HPSE2: variants seen among roughly 807,000 people sequenced by gnomAD.
HPSE2 encodes heparanase 2 (inactive).
HPSE2 carries 38 observed loss-of-function variants against 60.5 expected under a neutral mutation model. The observed-to-expected ratio is 0.63, with a 90% CI of 0.48 to 0.82. The LOEUF (loss-of-function observed/expected upper bound fraction) is 0.82, where lower values mean the gene tolerates loss of function less well. HPSE2 is among the 40% of genes least tolerant of loss of function. The pLI is 0.00. For synonymous variants in HPSE2, 295 were observed against 293.2 expected (o/e 1.01, Z -0.06); for missense variants, 713 against 740.4 (o/e 0.96, Z 0.43).
the HPSE2 span, among the ~76,000 whole-genome samples, chr10:99,297,843 C>T: frequency 2.0e-5 from 3 of 152,088 alleles, no homozygotes; most frequent in Non-Finnish European, 2.9e-5. Flanking sequence ...TGACCACCCT[C>T]CAGATGCTTT....
chr10:99,174,560 T>C (rs1175054612), intron 2 of HPSE2, among the ~76,000 whole-genome samples: 1 of 152,168 alleles, frequency 6.6e-6, no homozygotes, highest in Non-Finnish European at 1.5e-5. Flanking sequence ...AAATCCTAGA[T>C]TGGTAACATG....
intron 3 of HPSE2, among the ~76,000 whole-genome samples, chr10:98,958,426 A>G (rs1014192635): frequency 2.0e-5 from 3 of 152,174 alleles, no homozygotes; most frequent in Non-Finnish European, 4.4e-5. Context: ...ATGCAACAGG[A>G]AAAGTTGAAC....
intron 9 of HPSE2, among the ~76,000 whole-genome samples, chr10:98,523,197 G>A (rs1203346078): frequency 2.0e-5 from 3 of 152,076 alleles, no homozygotes; most frequent in Non-Finnish European, 4.4e-5. Flanking sequence ...AACACTTTGG[G>A]GCTGGTACTT....
chr10:98,675,052 G>A (rs1013850458), intron 6 of HPSE2, among the ~76,000 whole-genome samples: 6 of 152,130 alleles, frequency 3.9e-5, no homozygotes, highest in Non-Finnish European at 7.4e-5. Context: ...TTAAACACTT[G>A]GGATTGCACA....
chr10:99,065,661 G>C (rs4144651), intron 3 of HPSE2, among the ~76,000 whole-genome samples: 102,476 of 152,046 alleles, frequency 0.67, 37,848 homozygotes, highest in Non-Finnish European at 0.81. Context: ...GAGGTCTAAT[G>C]AAGTACAAAC....
intron 3 of HPSE2, among the ~76,000 whole-genome samples, chr10:99,124,962 A>T (rs1845107731): frequency 6.6e-6 from 1 of 152,256 alleles, no homozygotes; most frequent in Non-Finnish European, 1.5e-5. Context: ...TGCCATCAAT[A>T]GCATAAGGGA....
chr10:98,858,007 T>C (rs1952359371), intron 3 of HPSE2, among the ~76,000 whole-genome samples: 2 of 152,190 alleles, frequency 1.3e-5, no homozygotes, highest in Admixed American at 1.3e-4. Flanking sequence ...GATCAAATAA[T>C]ATTCATGGCT....
At chr10:98,532,312 A>G (rs754041076) in intron 9 of HPSE2, among the ~76,000 whole-genome samples, 14 of 152,320 alleles carry the variant, frequency 9.2e-5, no homozygotes, top group Non-Finnish European at 1.5e-4. Flanking sequence ...ACAAAGGGCC[A>G]GCACAGAAAT....
intron 2 of HPSE2, among the ~76,000 whole-genome samples, chr10:99,206,360 A>C (rs941264096): frequency 2.6e-5 from 4 of 152,124 alleles, no homozygotes; most frequent in African/African-American, 9.7e-5. Context: ...CAGCAATTTG[A>C]GAGGCCAAGG....
chr10:98,754,521 T>C (rs917320070), intron 3 of HPSE2, among the ~76,000 whole-genome samples: 13 of 151,648 alleles, frequency 8.6e-5, no homozygotes, highest in African/African-American at 3.1e-4. Flanking sequence ...CCCTGTAAGA[T>C]ACTATCCAAG....
At chr10:98,663,510 A>T (rs995353581) in intron 6 of HPSE2, among the ~76,000 whole-genome samples, 1 of 152,184 alleles carries the variant, frequency 6.6e-6, no homozygotes, top group Non-Finnish European at 1.5e-5. Flanking sequence ...TTAAGAAAAC[A>T]TGTTGGGATC....
chr10:99,100,423 G>A (rs1843913412), intron 3 of HPSE2, among the ~76,000 whole-genome samples: 1 of 152,142 alleles, frequency 6.6e-6, no homozygotes. Flanking sequence ...GAAATGAAGT[G>A]AGAAGAGAAG....
intron 3 of HPSE2, among the ~76,000 whole-genome samples, chr10:99,071,432 C>T (rs1229871508): frequency 1.3e-5 from 2 of 152,126 alleles, no homozygotes; most frequent in African/African-American, 4.8e-5. Context: ...TTCACATTCC[C>T]ACCAGCTGAG....
At chr10:98,666,863 C>A (rs1170436557) in intron 6 of HPSE2, among the ~76,000 whole-genome samples, 1 of 151,692 alleles carries the variant, frequency 6.6e-6, no homozygotes, top group African/African-American at 2.4e-5. Context: ...TAACATTGCA[C>A]CTAGAGAAAT....
chr10:98,530,749 C>T (rs983470803), intron 9 of HPSE2, among the ~76,000 whole-genome samples: 2 of 152,176 alleles, frequency 1.3e-5, no homozygotes, highest in Non-Finnish European at 2.9e-5. Flanking sequence ...TGTAGCAGGG[C>T]TTTGGAGAGT....
the HPSE2 span, among the ~76,000 whole-genome samples, chr10:99,281,873 T>C: frequency 2.6e-5 from 4 of 152,044 alleles, no homozygotes; most frequent in African/African-American, 7.2e-5. Context: ...AGTAAGAGGA[T>C]AGAAAACTAT....
At chr10:98,981,299 C>A (rs373349158) in intron 3 of HPSE2, among the ~76,000 whole-genome samples, 13 of 152,240 alleles carry the variant, frequency 8.5e-5, no homozygotes, top group African/African-American at 3.1e-4. Flanking sequence ...TAATTACTAC[C>A]TCCAAAGTTC....
intron 7 of HPSE2, among the ~76,000 whole-genome samples, chr10:98,641,073 T>G (rs1170960981): frequency 6.6e-6 from 1 of 152,168 alleles, no homozygotes; most frequent in Non-Finnish European, 1.5e-5. Flanking sequence ...TTTACAAAAT[T>G]AAGATCTTAC....
At chr10:98,734,158 G>T (rs1344551113) in intron 4 of HPSE2, among the ~76,000 whole-genome samples, 2 of 151,960 alleles carry the variant, frequency 1.3e-5, no homozygotes. Flanking sequence ...TCTTCTCAAG[G>T]TTCATCCATT....
Sources: gnomAD v4.1 joint callset for allele counts (sites outside exome capture counted in the v4.1 genomes callset) on GRCh38, gnomAD v4.1.1 for gene constraint, MANE v1.5 for transcripts, NCBI Gene and HGNC (gene_info 2026-07-23, HGNC 2026-07-21) for gene names.